LATS2: variants seen among roughly 807,000 people sequenced by gnomAD.
LATS2 encodes the protein serine/threonine-protein kinase LATS2.
Under a neutral mutation model 76.0 loss-of-function variants are expected in LATS2, and 24 were observed. The observed-to-expected ratio is 0.32, with a 90% CI of 0.23 to 0.44. LATS2 has a LOEUF of 0.44. Ranked by LOEUF, LATS2 falls within the 20% of genes least tolerant of loss-of-function variation. The pLI is 1.00. For missense variants in LATS2, 1,286 were observed against 1,481.2 expected (o/e 0.87, Z 2.16); for synonymous variants, 692 against 635.4 (o/e 1.09, Z -1.34).
chr13:20,988,342 C>CGGGGG lies in LATS2; in HGVS notation c.1437_1438insCCCCC (p.Ala480ProfsTer181). The CGGGGG allele has an allele frequency of 2.2e-6, 3 of 1,377,484 alleles. No individual in the cohort carries two copies. The highest frequency in any genetic ancestry group is 2.8e-6 in the Non-Finnish European group (3 of 1,067,240). The allele number at this position is 1,377,484 out of a possible 1,614,324, so 85.3% of individuals were successfully genotyped here. On this transcript the variant is annotated frameshift_variant, in exon 4 of 8. Transcript: ENST00000382592. LOFTEE classifies it high-confidence loss of function. The stretch of plus-strand genomic sequence containing the variant: ...TCCTTGGCGTCCAAGCCCTCCGCAG[C>CGGGGG]CGGGGCGGGGGCGGGGGCGGGGGCC...
At chr13:21,060,849 G>A (rs1873615580) in intron 1 of LATS2, among the ~76,000 whole-genome samples, 1 of 151,426 alleles carries the variant, frequency 6.6e-6, no homozygotes, top group Non-Finnish European at 1.5e-5. Context: ...CCGCTGCGCC[G>A]CCGGACCGGG....
intron 2 of LATS2, among the ~76,000 whole-genome samples, chr13:20,994,270 T>C (rs1870643509): frequency 6.6e-6 from 1 of 152,224 alleles, no homozygotes; most frequent in Admixed American, 6.5e-5. Context: ...AAATAACCCA[T>C]GTCCTTTGAG....
chr13:21,003,966 A>G (rs1017271339), intron 2 of LATS2, among the ~76,000 whole-genome samples: 5 of 152,234 alleles, frequency 3.3e-5, no homozygotes, highest in African/African-American at 1.2e-4. Flanking sequence ...ACTTTTATTA[A>G]TGTTTAAATG....
intron 2 of LATS2, among the ~76,000 whole-genome samples, chr13:21,044,203 A>T (rs1442738206): frequency 2.0e-5 from 3 of 152,224 alleles, no homozygotes; most frequent in African/African-American, 7.2e-5. Flanking sequence ...GCCCTCTATA[A>T]AACAGCAGGA....
Position 20,988,779 on chromosome 13 carries a change from CG to C in LATS2, c.1000del (p.Arg334AlafsTer99). The C allele has an allele frequency of 6.3e-7, 1 of 1,589,296 alleles. No homozygotes were observed. ...GCTGTCGCTGGCGAACACCTGGCTG[CG>C]GGAGCCCAGCACATGCAGCTGGTGG... is the stretch of plus-strand genomic sequence containing the variant. ...AAHQLHVLGSRSQVFASDSPP... is the reference protein window; with the variant it reads ...AAHQLHVLGSXSQVFASDSPP... On this transcript the variant is annotated frameshift_variant, in exon 4 of 8. Transcript: ENST00000382592. LOFTEE classifies it high-confidence loss of function.
intron 2 of LATS2, among the ~76,000 whole-genome samples, chr13:20,994,901 A>G (rs1870682335): frequency 6.6e-6 from 1 of 152,144 alleles, no homozygotes; most frequent in Non-Finnish European, 1.5e-5. Flanking sequence ...AAGAATGTAT[A>G]AAGATCATCA....
At chr13:21,035,872 C>G (rs553211776) in intron 2 of LATS2, among the ~76,000 whole-genome samples, 5 of 152,298 alleles carry the variant, frequency 3.3e-5, no homozygotes, top group African/African-American at 1.2e-4. Context: ...ATTCAGGGAG[C>G]AGAGAAAAGG....
intron 2 of LATS2, among the ~76,000 whole-genome samples, chr13:20,997,357 A>T (rs1870801012): frequency 6.6e-6 from 1 of 152,248 alleles, no homozygotes; most frequent in Admixed American, 6.5e-5. Flanking sequence ...GAAGCCTGGA[A>T]AATGTGAGAT....
intron 2 of LATS2, among the ~76,000 whole-genome samples, chr13:20,993,661 G>C (rs1192023394): frequency 4.6e-5 from 7 of 152,212 alleles, no homozygotes; most frequent in African/African-American, 1.7e-4. Flanking sequence ...GAAAGGGCAA[G>C]TGTTTACAAC....
rs1281706896 is a variant in LATS2 at position 20,974,213 on chromosome 13, A to C, written c.*657T>G. 7 of 224,560 alleles carry C rather than the reference A, an allele frequency of 3.1e-5. No individual in the cohort carries two copies. Among genetic ancestry groups the C allele is most frequent in the African/African-American group, 8.9e-5 (4 of 44,858 alleles). The allele number at this position is 224,560 out of a possible 1,614,324, so 13.9% of individuals were successfully genotyped here. A position where few individuals can be genotyped will look rare whatever the true frequency, so the allele number is the denominator to read the frequency against. On this transcript the variant is annotated 3_prime_UTR_variant, in exon 8 of 8. Transcript: ENST00000382592. Reference sequence around the variant, plus strand: ...ATTTTATAATAGAAGAACTCTGCTCATGCAGTACTCTCCACACACCAGACG... The same window carrying C: ...ATTTTATAATAGAAGAACTCTGCTCCTGCAGTACTCTCCACACACCAGACG...
In LATS2 at chr13:20,988,718, G is replaced by A. The variant is rs774291933; in HGVS notation, c.1062C>T (p.Ser354=). 1 of 1,565,804 alleles carries A rather than the reference G, an allele frequency of 6.4e-7. No individual in the cohort carries two copies. The highest frequency in any genetic ancestry group is 1.2e-5 in the South Asian group (1 of 85,624). ...PQSLLTPSRN[S]LNVDLYELGS... is the part of the protein sequence containing the mutation. Reference sequence around the variant, plus strand: ...CCAATTCATACAGGTCCACGTTGAGGCTGTTCCGCGAGGGAGTGAGCAGGC... The same window carrying A: ...CCAATTCATACAGGTCCACGTTGAGACTGTTCCGCGAGGGAGTGAGCAGGC... Residue 354 remains serine (S), a synonymous_variant, in exon 4 of 8, where the codon AGC becomes AGT. Transcript: ENST00000382592.
At chr13:21,008,763 C>T (rs1401959180) in intron 2 of LATS2, among the ~76,000 whole-genome samples, 1 of 152,134 alleles carries the variant, frequency 6.6e-6, no homozygotes, top group Admixed American at 6.5e-5. Flanking sequence ...GGTACAATCA[C>T]ACAGGAGAAT....
At chr13:21,004,464 A>G (rs1220620580) in intron 2 of LATS2, among the ~76,000 whole-genome samples, 1 of 151,388 alleles carries the variant, frequency 6.6e-6, no homozygotes, top group Non-Finnish European at 1.5e-5. Context: ...TCTGTAATGC[A>G]AGGGAGAATC....
chr13:21,025,413 A>AC (rs1555226568), intron 2 of LATS2, among the ~76,000 whole-genome samples: 24,532 of 139,966 alleles, frequency 0.18, 3,273 homozygotes, highest in African/African-American at 0.32. Context: ...AAAAAAAAAA[A>AC]ATTATGGTCA....
At chr13:20,975,926 A>C (rs628621) in intron 7 of LATS2, among the ~76,000 whole-genome samples, 109,313 of 152,060 alleles carry the variant, frequency 0.72, 40,231 homozygotes, top group Middle Eastern at 0.82. Context: ...TCAGGTGATC[A>C]GCTAAAGTTA....
rs369432620 is a variant in LATS2 at position 20,983,651 on chromosome 13, A to C, written c.2055T>G (p.Ala685=). Residue 685 remains alanine, a synonymous_variant, in exon 5 of 8, where the codon GCT becomes GCG. Coordinates refer to ENST00000382592, the MANE Select transcript of LATS2 (RefSeq NM_014572.3). ...ACAGGGCGTGAGTGTCCACCTTACA[A>C]GCAAGGCACACTTCTCCAAAGGCAC... ...GIGAFGEVCL[A]CKVDTHALYA... is the part of the protein sequence containing the mutation. 6 of 1,614,056 alleles carry C rather than the reference A, an allele frequency of 3.7e-6. No individual in the cohort carries two copies. Among genetic ancestry groups the C allele is most frequent in the Non-Finnish European group, 5.1e-6 (6 of 1,180,000 alleles).
Position 21,046,183 on chromosome 13 carries a change from A to G in LATS2, c.-157T>C. The G allele has an allele frequency of 1.7e-6, 1 of 577,354 alleles. No homozygotes were observed. The highest frequency in any genetic ancestry group is 3.0e-5 in the South Asian group (1 of 33,658). The allele number at this position is 577,354 out of a possible 1,614,324, so 35.8% of individuals were successfully genotyped here. ...TTCCTTCCATTTTTGTAGTTCCTAT[A>G]GAGAACCTAAAATTTTCCAAAGTCT... On this transcript the variant is annotated 5_prime_UTR_variant, in exon 2 of 8. Coordinates refer to ENST00000382592, the MANE Select transcript of LATS2 (RefSeq NM_014572.3).
chr13:20,989,378 C>T, intron 3 of LATS2, 74 bp from the exon 4 acceptor site: 5 of 1,511,858 alleles, frequency 3.3e-6, no homozygotes, highest in Non-Finnish European at 4.6e-6. Flanking sequence ...CAGGCTGGTC[C>T]CCACTCTAGC....
At chr13:20,997,108 C>A (rs1870792534) in intron 2 of LATS2, among the ~76,000 whole-genome samples, 1 of 152,166 alleles carries the variant, frequency 6.6e-6, no homozygotes, top group Non-Finnish European at 1.5e-5. Flanking sequence ...AAGAGGTTTT[C>A]TGCCTCATGG....
Sources: gnomAD v4.1 joint callset for allele counts (sites outside exome capture counted in the v4.1 genomes callset) on GRCh38, gnomAD v4.1.1 for gene constraint, MANE v1.5 for transcripts, NCBI Gene and HGNC (gene_info 2026-07-23, HGNC 2026-07-21) for gene names.